Variants in CAMKMT observed in about 807,000 individuals in gnomAD.
CAMKMT encodes the protein CaM KMT.
Under a neutral mutation model 48.0 loss-of-function variants are expected in CAMKMT, and 53 were observed. That is an observed-to-expected ratio of 1.10 (90% CI 0.89 to 1.39). The LOEUF (loss-of-function observed/expected upper bound fraction) is 1.39, where lower values mean the gene tolerates loss of function less well. Among genes scored for constraint, CAMKMT ranks in the 40% most tolerant of loss-of-function variants. CAMKMT has a pLI of 0.00. For synonymous variants in CAMKMT, 165 were observed against 152.3 expected (o/e 1.08, Z -0.61); for missense variants, 428 against 402.7 (o/e 1.06, Z -0.54).
At chr2:44,445,859 C>T (rs1406057639) in intron 3 of CAMKMT, among the ~76,000 whole-genome samples, 2 of 151,820 alleles carry the variant, frequency 1.3e-5, no homozygotes, top group Admixed American at 1.3e-4. Context: ...AATGGTCATG[C>T]AACCAAAGTC....
At chr2:44,513,633 C>T (rs1262172979) in intron 3 of CAMKMT, among the ~76,000 whole-genome samples, 2 of 152,174 alleles carry the variant, frequency 1.3e-5, no homozygotes, top group Non-Finnish European at 1.5e-5. Flanking sequence ...AATGCGCCTT[C>T]TTCTAATCAT....
At chr2:44,731,433 A>G (rs1164489556) in intron 7 of CAMKMT, among the ~76,000 whole-genome samples, 1 of 152,238 alleles carries the variant, frequency 6.6e-6, no homozygotes, top group African/African-American at 2.4e-5. Flanking sequence ...ACATGAGAAT[A>G]TGAGAAAATA....
intron 3 of CAMKMT, among the ~76,000 whole-genome samples, chr2:44,435,773 A>G (rs547529799): frequency 5.0e-4 from 76 of 152,348 alleles, no homozygotes; most frequent in African/African-American, 1.8e-3. Context: ...CACATAGCAG[A>G]AGGACCTTTT....
intron 9 of CAMKMT, among the ~76,000 whole-genome samples, chr2:44,762,046 G>A (rs1462981971): frequency 6.6e-6 from 1 of 152,190 alleles, no homozygotes; most frequent in Non-Finnish European, 1.5e-5. Flanking sequence ...CCAAGAATTA[G>A]ATGGAACGTG....
At chr2:44,569,148 A>G (rs1421205671) in intron 3 of CAMKMT, among the ~76,000 whole-genome samples, 1 of 152,204 alleles carries the variant, frequency 6.6e-6, no homozygotes, top group African/African-American at 2.4e-5. Flanking sequence ...TATTCATGGA[A>G]CAATTGTACC....
chr2:44,581,145 G>C (rs936814982), intron 3 of CAMKMT, among the ~76,000 whole-genome samples: 17 of 152,210 alleles, frequency 1.1e-4, no homozygotes, highest in Middle Eastern at 6.8e-3. Flanking sequence ...TTTCCGATGA[G>C]ATCAAAAGGA....
At chr2:44,486,504 C>T (rs1157378130) in intron 3 of CAMKMT, among the ~76,000 whole-genome samples, 3 of 152,094 alleles carry the variant, frequency 2.0e-5, no homozygotes, top group African/African-American at 7.2e-5. Flanking sequence ...AGGTGGTTCA[C>T]GAGATAAATA....
intron 3 of CAMKMT, among the ~76,000 whole-genome samples, chr2:44,655,383 G>A (rs1292174114): frequency 2.0e-5 from 3 of 152,060 alleles, no homozygotes; most frequent in Non-Finnish European, 2.9e-5. Context: ...TCTTTTCAAA[G>A]CCTGGATGCT....
chr2:44,491,440 C>T (rs751263969), intron 3 of CAMKMT, among the ~76,000 whole-genome samples: 3 of 152,076 alleles, frequency 2.0e-5, no homozygotes, highest in Admixed American at 6.5e-5. Context: ...CCTACCATGC[C>T]GTACCTTTTG....
chr2:44,386,590 C>G (rs1298611190), intron 2 of CAMKMT, among the ~76,000 whole-genome samples: 1 of 151,890 alleles, frequency 6.6e-6, no homozygotes, highest in Non-Finnish European at 1.5e-5. Flanking sequence ...TCTCTAGTTC[C>G]TTGAGGTGTG....
At chr2:44,454,226 G>C (rs1055158050) in intron 3 of CAMKMT, among the ~76,000 whole-genome samples, 1 of 152,078 alleles carries the variant, frequency 6.6e-6, no homozygotes, top group Non-Finnish European at 1.5e-5. Flanking sequence ...AATTGTTTGA[G>C]AATTCTAATT....
At chr2:44,596,108 A>C (rs1670639294) in intron 3 of CAMKMT, among the ~76,000 whole-genome samples, 1 of 151,916 alleles carries the variant, frequency 6.6e-6, no homozygotes, top group Non-Finnish European at 1.5e-5. Flanking sequence ...CATGTTCTGC[A>C]CATGTACCCC....
chr2:44,404,626 T>C lies in CAMKMT; in HGVS notation c.376+14321T>C, dbSNP rs1008118459. 8.5e-5 allele frequency among the ~76,000 whole-genome samples: 13 copies of C among 152,248 alleles called. No homozygotes were observed. The South Asian group carries it at 1.0e-3, about 12-fold the overall frequency. ...GACCACCAGCAATCCCTTAAGTACT[T>C]TTCCTACCAGCTAATGCTAGCTTTT... On this transcript the variant is annotated intron_variant, in intron 3 of 10. Transcript: ENST00000378494.
chr2:44,711,956 G>A (rs1351757029), intron 6 of CAMKMT, among the ~76,000 whole-genome samples: 1 of 152,058 alleles, frequency 6.6e-6, no homozygotes, highest in African/African-American at 2.4e-5. Context: ...ACCATTCTGG[G>A]TCACCAAAAA....
intron 3 of CAMKMT, among the ~76,000 whole-genome samples, chr2:44,637,847 A>G (rs1673219044): frequency 1.3e-5 from 2 of 152,224 alleles, no homozygotes; most frequent in East Asian, 1.9e-4. Flanking sequence ...CGGGCAGATC[A>G]CAAGGTCAAA....
At chr2:44,475,655 G>A (rs1668652104) in intron 3 of CAMKMT, among the ~76,000 whole-genome samples, 1 of 152,132 alleles carries the variant, frequency 6.6e-6, no homozygotes, top group African/African-American at 2.4e-5. Flanking sequence ...GGTGTGGCAA[G>A]TAGAGCTGGC....
chr2:44,749,701 C>T (rs1680073263), intron 8 of CAMKMT, among the ~76,000 whole-genome samples: 1 of 152,214 alleles, frequency 6.6e-6, no homozygotes, highest in Non-Finnish European at 1.5e-5. Flanking sequence ...CCCAAAGTCA[C>T]ACAGCAGCAA....
chr2:44,434,153 C>T lies in CAMKMT; in HGVS notation c.376+43848C>T, dbSNP rs569859693. Among the ~76,000 whole-genome samples, 23 of 151,896 alleles carry T rather than the reference C, an allele frequency of 1.5e-4. No individual in the cohort carries two copies. In the South Asian group the frequency reaches 4.2e-3, roughly 28 times the overall value. ...GATGGTAGTCTAGGGTTTGCAGTGC[C>T]GTCTTCATTATGTGTATGCTGAATG... On this transcript the variant is annotated intron_variant, in intron 3 of 10. Transcript: ENST00000378494.
chr2:44,707,023 A>G (rs1008727403), intron 5 of CAMKMT, among the ~76,000 whole-genome samples: 7 of 151,978 alleles, frequency 4.6e-5, no homozygotes, highest in African/African-American at 1.7e-4. Flanking sequence ...CCTGCAATGC[A>G]AAGTTATATG....
Sources: gnomAD v4.1 joint callset for allele counts (sites outside exome capture counted in the v4.1 genomes callset) on GRCh38, gnomAD v4.1.1 for gene constraint, MANE v1.5 for transcripts, NCBI Gene and HGNC (gene_info 2026-07-23, HGNC 2026-07-21) for gene names.